The following MICAL2 variants were observed in gnomAD, a reference collection of about 807,000 sequenced individuals.
MICAL2 encodes the protein microtubule associated monooxygenase, calponin and LIM domain containing 2.
MICAL2 carries 77 observed loss-of-function variants against 127.3 expected under a neutral mutation model. The observed-to-expected ratio is 0.60, with a 90% confidence interval of 0.50 to 0.73. The LOEUF (loss-of-function observed/expected upper bound fraction) is 0.73. MICAL2 is among the 30% of genes least tolerant of loss of function. The pLI is 0.00. For missense variants in MICAL2, 1,351 were observed against 1,434.4 expected (o/e 0.94, Z 0.94); for synonymous variants, 570 against 551.1 (o/e 1.03, Z -0.48).
At chr11:12,296,958 C>A (rs985021810), downstream of MICAL2, among the ~76,000 whole-genome samples, 3 of 152,032 alleles carry the variant, frequency 2.0e-5, no homozygotes, top group Non-Finnish European at 2.9e-5. Flanking sequence ...CCCTATGATG[C>A]AAAGTTTAAG....
At chr11:12,269,779 C>A (rs1371033371) in intron 24 of MICAL2, among the ~76,000 whole-genome samples, 1 of 152,226 alleles carries the variant, frequency 6.6e-6, no homozygotes, top group Non-Finnish European at 1.5e-5. Flanking sequence ...CAGCCAGGGC[C>A]CCTTGAATGA....
intron 32 of MICAL2, among the ~76,000 whole-genome samples, chr11:12,344,094 A>G (rs1009212748): frequency 1.3e-5 from 2 of 152,072 alleles, no homozygotes; most frequent in African/African-American, 4.8e-5. Flanking sequence ...CCAGGAGTTC[A>G]AGACCAGCCT....
At chr11:12,329,156 G>GT (rs945247823) in intron 32 of MICAL2, among the ~76,000 whole-genome samples, 17 of 152,196 alleles carry the variant, frequency 1.1e-4, no homozygotes, top group East Asian at 9.6e-4. Context: ...ATACCTGTTT[G>GT]TTTTTTTTAC....
intron 32 of MICAL2, among the ~76,000 whole-genome samples, chr11:12,348,085 C>T (rs191421173): frequency 7.8e-4 from 102 of 130,918 alleles, no homozygotes; most frequent in Non-Finnish European, 1.2e-3. Context: ...ACCTGAGAGG[C>T]GGAGGTTGCA....
At chr11:12,149,379 A>G (rs1387519712) in intron 2 of MICAL2, among the ~76,000 whole-genome samples, 1 of 152,230 alleles carries the variant, frequency 6.6e-6, no homozygotes, top group Non-Finnish European at 1.5e-5. Context: ...GATTTTGAAC[A>G]GCAATGGAAC....
intron 14 of MICAL2, 47 bp from the exon 15 acceptor site, chr11:12,226,978 T>C (rs778573641): frequency 2.7e-6 from 4 of 1,472,928 alleles, no homozygotes; most frequent in Admixed American, 3.3e-5. Flanking sequence ...TAGCCATACT[T>C]CCCAGAGCCA....
At chr11:12,287,286 C>G (rs551758493) in exon 3 of MICAL2, 2 of 395,758 alleles carry the variant, frequency 5.1e-6, no homozygotes, top group African/African-American at 4.1e-5. Flanking sequence ...TCCTGGTTGT[C>G]AGAGGCAAGA....
chr11:12,133,312 C>T (rs528857649), intron 1 of MICAL2, among the ~76,000 whole-genome samples: 1 of 152,218 alleles, frequency 6.6e-6, no homozygotes, highest in East Asian at 1.9e-4. Flanking sequence ...GAACTCCTGA[C>T]CTCAAGCGAT....
intron 32 of MICAL2, among the ~76,000 whole-genome samples, chr11:12,334,822 A>G (rs1478064034): frequency 6.6e-6 from 1 of 151,728 alleles, no homozygotes; most frequent in East Asian, 1.9e-4. Context: ...TCCATGGTGT[A>G]TATGTACATT....
intron 3 of MICAL2, among the ~76,000 whole-genome samples, chr11:12,177,077 T>A (rs1856923100): frequency 6.6e-6 from 1 of 152,228 alleles, no homozygotes; most frequent in Non-Finnish European, 1.5e-5. Flanking sequence ...TTTGAGGAAC[T>A]GTCCTATTGT....
chr11:12,181,909 T>C (rs1857528685), intron 3 of MICAL2, among the ~76,000 whole-genome samples: 1 of 152,198 alleles, frequency 6.6e-6, no homozygotes, highest in Non-Finnish European at 1.5e-5. Flanking sequence ...AACCTCTAAC[T>C]GAAACGTAAT....
chr11:12,177,538 G>T (rs939106047), intron 3 of MICAL2, among the ~76,000 whole-genome samples: 1 of 152,076 alleles, frequency 6.6e-6, no homozygotes, highest in Non-Finnish European at 1.5e-5. Flanking sequence ...TTTGTTTCCT[G>T]TGGCTTTGGT....
intron 26 of MICAL2, chr11:12,260,404 A>G (rs1862946599): frequency 1.6e-6 from 2 of 1,253,968 alleles, no homozygotes; most frequent in African/African-American, 1.5e-5. Context: ...TTTGTGAGCC[A>G]TACTTCTGGG....
chr11:12,170,011 G>A (rs1023362408), intron 3 of MICAL2, among the ~76,000 whole-genome samples: 1 of 152,192 alleles, frequency 6.6e-6, no homozygotes, highest in African/African-American at 2.4e-5. Flanking sequence ...GACCTTGAAT[G>A]GGGCCACTGG....
At chr11:12,247,128 C>T (rs1860866023) in intron 21 of MICAL2, among the ~76,000 whole-genome samples, 1 of 152,106 alleles carries the variant, frequency 6.6e-6, no homozygotes, top group African/African-American at 2.4e-5. Context: ...CGTTCGGACT[C>T]CCAGGCCAGT....
intron 3 of MICAL2, among the ~76,000 whole-genome samples, chr11:12,187,001 C>T (rs1683373351): frequency 6.6e-6 from 1 of 152,198 alleles, no homozygotes. Context: ...AGTGTAGTCC[C>T]TGAGTGGTGA....
intron 7 of MICAL2, among the ~76,000 whole-genome samples, chr11:12,214,000 A>T (rs781124189): frequency 9.2e-5 from 14 of 152,216 alleles, no homozygotes; most frequent in Non-Finnish European, 1.5e-4. Flanking sequence ...ATATTTATTG[A>T]ATGCCTACTG....
At chr11:12,323,724 A>T (rs1864325558) in intron 30 of MICAL2, among the ~76,000 whole-genome samples, 1 of 152,232 alleles carries the variant, frequency 6.6e-6, no homozygotes, top group South Asian at 2.1e-4. Context: ...AATAAAATTT[A>T]AAATTCAATT....
At chr11:12,270,665 T>C (rs138201961) in intron 24 of MICAL2, among the ~76,000 whole-genome samples, 1,526 of 152,334 alleles carry the variant, frequency 0.01, 24 homozygotes, top group African/African-American at 0.032. Context: ...CCTGACTGGA[T>C]CCTGATCCTC....
Sources: gnomAD v4.1 joint callset for allele counts (sites outside exome capture counted in the v4.1 genomes callset) on GRCh38, gnomAD v4.1.1 for gene constraint, MANE v1.5 for transcripts, NCBI Gene and HGNC (gene_info 2026-07-23, HGNC 2026-07-21) for gene names.